MOB3B: variants seen among roughly 807,000 people sequenced by gnomAD.
MOB3B encodes MOB kinase activator-like 2B.
A neutral mutation model predicts 18.7 loss-of-function variants in MOB3B; 7 were observed. That is an observed-to-expected ratio of 0.37 (90% CI 0.21 to 0.70). The LOEUF (loss-of-function observed/expected upper bound fraction) is 0.70, where lower values mean the gene tolerates loss of function less well. Ranked by LOEUF, MOB3B falls within the 30% of genes least tolerant of loss-of-function variation. The probability of loss-of-function intolerance (pLI) is 0.52; values close to 1 mark genes in which losing one functional copy is unlikely to be tolerated. For missense variants in MOB3B, 253 were observed against 281.3 expected (o/e 0.90, Z 0.72); for synonymous variants, 111 against 99.9 (o/e 1.11, Z -0.66).
chr9:27,469,384 C>T (rs1208329082), intron 1 of MOB3B, among the ~76,000 whole-genome samples: 1 of 152,164 alleles, frequency 6.6e-6, no homozygotes, highest in Admixed American at 6.5e-5. Flanking sequence ...TGCATCCACT[C>T]TTGTTGCCTT....
chr9:27,483,128 T>TC (rs1819685837), intron 1 of MOB3B, among the ~76,000 whole-genome samples: 1 of 129,950 alleles, frequency 7.7e-6, no homozygotes, highest in African/African-American at 3.0e-5. Flanking sequence ...TACGGTACTT[T>TC]TTTTTTTTTT....
chr9:27,500,844 A>G (rs1383360247), intron 1 of MOB3B, among the ~76,000 whole-genome samples: 1 of 152,164 alleles, frequency 6.6e-6, no homozygotes, highest in Non-Finnish European at 1.5e-5. Flanking sequence ...TTTGCAATCT[A>G]CCCATCTGAC....
At chr9:27,385,454 G>A (rs1821639568) in intron 2 of MOB3B, among the ~76,000 whole-genome samples, 1 of 152,094 alleles carries the variant, frequency 6.6e-6, no homozygotes, top group Admixed American at 6.5e-5. Flanking sequence ...TGCCTAAGGG[G>A]CCTTGGTGAG....
chr9:27,390,398 T>C (rs1210723109), intron 2 of MOB3B, among the ~76,000 whole-genome samples: 1 of 152,212 alleles, frequency 6.6e-6, no homozygotes, highest in African/African-American at 2.4e-5. Flanking sequence ...GACGGGGTTT[T>C]GCCATGTTGA....
intron 2 of MOB3B, among the ~76,000 whole-genome samples, chr9:27,382,652 A>C (rs1372552656): frequency 6.6e-6 from 1 of 152,030 alleles, no homozygotes; most frequent in Non-Finnish European, 1.5e-5. Context: ...AGGCATAATA[A>C]AAACCCGATA....
At chr9:27,410,779 T>A (rs1446760987) in intron 2 of MOB3B, among the ~76,000 whole-genome samples, 1 of 152,214 alleles carries the variant, frequency 6.6e-6, no homozygotes, top group East Asian at 1.9e-4. Context: ...ATAAAATTAA[T>A]AATGCTCACT....
At chr9:27,387,015 G>A (rs1485961569) in intron 2 of MOB3B, among the ~76,000 whole-genome samples, 4 of 152,282 alleles carry the variant, frequency 2.6e-5, no homozygotes, top group African/African-American at 9.6e-5. Context: ...GCAAAATGTG[G>A]CAGAGTTGCT....
intron 2 of MOB3B, among the ~76,000 whole-genome samples, chr9:27,374,130 TC>T (rs2131369309): frequency 6.6e-6 from 1 of 152,296 alleles, no homozygotes; most frequent in South Asian, 2.1e-4. Flanking sequence ...AGCCCTGGAG[TC>T]CCTTTGAACC....
At chr9:27,349,370 TATA>T (rs1466135627) in intron 3 of MOB3B, among the ~76,000 whole-genome samples, 1 of 152,094 alleles carries the variant, frequency 6.6e-6, no homozygotes, top group African/African-American at 2.4e-5. Context: ...TGGGAGAAAA[TATA>T]ATGTTATGTT....
At chr9:27,363,752 A>C (rs1216647353) in intron 2 of MOB3B, among the ~76,000 whole-genome samples, 1 of 151,996 alleles carries the variant, frequency 6.6e-6, no homozygotes, top group African/African-American at 2.4e-5. Context: ...TAATTTATTC[A>C]TTGTTTAAGG....
At chr9:27,526,661 T>G (rs1239394946) in intron 1 of MOB3B, among the ~76,000 whole-genome samples, 1 of 152,210 alleles carries the variant, frequency 6.6e-6, no homozygotes, top group African/African-American at 2.4e-5. Context: ...AACAGTATGC[T>G]TTTTTAAAGA....
chr9:27,466,013 A>T (rs1320671718), intron 1 of MOB3B, among the ~76,000 whole-genome samples: 2 of 152,198 alleles, frequency 1.3e-5, no homozygotes, highest in Admixed American at 6.5e-5. Context: ...AGGGATTAAC[A>T]TTAGGCTCCT....
At chr9:27,442,229 T>C (rs1822605490) in intron 2 of MOB3B, among the ~76,000 whole-genome samples, 1 of 152,162 alleles carries the variant, frequency 6.6e-6, no homozygotes, top group African/African-American at 2.4e-5. Context: ...AAGATCAGGA[T>C]TTTCAGTAAT....
chr9:27,495,976 C>G (rs1416518525), intron 1 of MOB3B, among the ~76,000 whole-genome samples: 1 of 152,176 alleles, frequency 6.6e-6, no homozygotes, highest in East Asian at 1.9e-4. Flanking sequence ...ACATCATTTA[C>G]AAAACAATCA....
At chr9:27,459,245 G>C (rs1819240935) in intron 1 of MOB3B, among the ~76,000 whole-genome samples, 1 of 148,090 alleles carries the variant, frequency 6.8e-6, no homozygotes, top group Non-Finnish European at 1.5e-5. Context: ...TTATGCTGTG[G>C]GCTAATCAAA....
In MOB3B at chr9:27,330,295, G is replaced by A. The variant is rs1820767990; in HGVS notation, c.*292C>T. 3.0e-6 allele frequency: 1 copy of A among 328,912 alleles called. No individual in the cohort carries two copies. Among genetic ancestry groups the A allele is most frequent in the African/African-American group, 2.1e-5 (1 of 46,934 alleles). The allele number at this position is 328,912 out of a possible 1,614,324, so 20.4% of individuals were successfully genotyped here. On this transcript the variant is annotated 3_prime_UTR_variant, in exon 4 of 4. Transcript: ENST00000262244. ...CAGGTCACAGGCAGAACTGTGCCATGTGTGGAAGTGCAGAGGCTTCCTCGT... is the reference window on the plus strand; with the variant it reads ...CAGGTCACAGGCAGAACTGTGCCATATGTGGAAGTGCAGAGGCTTCCTCGT...
chr9:27,358,839 G>A lies in MOB3B; in HGVS notation c.621+195C>T, dbSNP rs371927890. The A allele has an allele frequency of 1.2e-4, 93 of 756,548 alleles. No homozygotes were observed. The East Asian group carries it at 1.3e-3, about 11-fold the overall frequency. 46.9% of individuals were successfully genotyped at this position (756,548 alleles called of 1,614,324 possible). On this transcript the variant is annotated intron_variant, in intron 3 of 3. Transcript: ENST00000262244. ...CTGCCACCTCTTGGAGGGTAATCTCGGACACTTATTTGGTGACAGTGGACA... is the reference window on the plus strand; with the variant it reads ...CTGCCACCTCTTGGAGGGTAATCTCAGACACTTATTTGGTGACAGTGGACA...
intron 1 of MOB3B, among the ~76,000 whole-genome samples, chr9:27,461,078 A>G (rs1819280081): frequency 6.6e-6 from 1 of 152,184 alleles, no homozygotes; most frequent in South Asian, 2.1e-4. Context: ...CCTCTGTGTT[A>G]TCTGAAATTC....
intron 2 of MOB3B, among the ~76,000 whole-genome samples, chr9:27,443,475 T>C (rs1361924741): frequency 6.6e-6 from 1 of 152,240 alleles, no homozygotes; most frequent in Non-Finnish European, 1.5e-5. Flanking sequence ...GGTCTATCAC[T>C]GAACCTTCTC....
Sources: gnomAD v4.1 joint callset for allele counts (sites outside exome capture counted in the v4.1 genomes callset) on GRCh38, gnomAD v4.1.1 for gene constraint, MANE v1.5 for transcripts, NCBI Gene and HGNC (gene_info 2026-07-23, HGNC 2026-07-21) for gene names.